The following MYCBP2 variants were observed in gnomAD, a reference collection of about 807,000 sequenced individuals.
The protein encoded by MYCBP2 is E3 ubiquitin-protein ligase MYCBP2.
A neutral mutation model predicts 525.3 loss-of-function variants in MYCBP2; 120 were observed. The ratio of observed to expected loss-of-function variants is 0.23; its 90% CI spans 0.20 to 0.27. The LOEUF (loss-of-function observed/expected upper bound fraction) is 0.27, where lower values mean the gene tolerates loss of function less well. MYCBP2 is among the 10% of genes least tolerant of loss of function. The pLI is 1.00. For missense variants in MYCBP2, 4,149 were observed against 5,657.1 expected, an observed-to-expected ratio of 0.73 and a Z score of 8.55; for synonymous variants, 1,894 against 1,955.8, an observed-to-expected ratio of 0.97 and a Z score of 0.83.
Position 77,185,010 on chromosome 13 carries a change from A to G in MYCBP2, c.4719+93T>C, listed in dbSNP as rs1595223385. The G allele has an allele frequency of 1.1e-5, 13 of 1,152,598 alleles. No individual in the cohort carries two copies. In the South Asian group the frequency reaches 1.5e-4, roughly 13 times the overall value. The allele number at this position is 1,152,598 out of a possible 1,614,324, so 71.4% of individuals were successfully genotyped here. A position where few individuals can be genotyped will look rare whatever the true frequency, so the allele number is the denominator to read the frequency against. On this transcript the variant is annotated intron_variant, in intron 32 of 82. Coordinates refer to ENST00000544440, the MANE Select transcript of MYCBP2 (RefSeq NM_015057.5). ...GATTTCCTAATTTATCTTTTATACAAGTTAAGAAGATATGGCAACTGCAAT... is the reference window on the plus strand; with the variant it reads ...GATTTCCTAATTTATCTTTTATACAGGTTAAGAAGATATGGCAACTGCAAT...
At chr13:77,093,409 A>G (rs544212573) in intron 58 of MYCBP2, 77 bp from the exon 59 acceptor site, 2 of 1,262,308 alleles carry the variant, frequency 1.6e-6, no homozygotes, top group Admixed American at 2.1e-5. Flanking sequence ...CTTTCATAAC[A>G]GGAAAAGCAG....
Position 77,225,599 on chromosome 13 carries a change from T to C in MYCBP2, c.2738-45A>G, listed in dbSNP as rs369948518. The C allele has an allele frequency of 1.9e-6, 3 of 1,600,676 alleles. No individual in the cohort carries two copies. The African/African-American group carries it at 4.0e-5, about 22-fold the overall frequency. On this transcript the variant is annotated intron_variant, in intron 18 of 82. Transcript: ENST00000544440. ...TGAATTATGATTAAGCCATTATTCATCTTCAAAATAAAAATTTAAATCAGT... is the reference window on the plus strand; with the variant it reads ...TGAATTATGATTAAGCCATTATTCACCTTCAAAATAAAAATTTAAATCAGT...
chr13:77,167,021 A>C (rs1354157879), intron 40 of MYCBP2, among the ~76,000 whole-genome samples: 3 of 106,940 alleles, frequency 2.8e-5, no homozygotes, highest in Non-Finnish European at 5.7e-5. Flanking sequence ...ACACACACAC[A>C]CACACCAAAT....
chr13:77,121,639 G>T, intron 54 of MYCBP2, 144 bp from the exon 55 acceptor site: 1 of 734,262 alleles, frequency 1.4e-6, no homozygotes, highest in Non-Finnish European at 1.9e-6. Context: ...TTAAATACCA[G>T]TCAGGTCATC....
chr13:77,238,047 T>G (rs2068207259), intron 17 of MYCBP2, among the ~76,000 whole-genome samples: 1 of 151,826 alleles, frequency 6.6e-6, no homozygotes, highest in Non-Finnish European at 1.5e-5. Context: ...ATTGAGGCTA[T>G]CCTGGCTAAC....
chr13:77,182,008 T>C, intron 32 of MYCBP2, 86 bp from the exon 33 acceptor site: 1 of 1,020,322 alleles, frequency 9.8e-7, no homozygotes, highest in Admixed American at 2.7e-5. Context: ...AGGTAAACCA[T>C]CTTTTAAATT....
At chr13:77,190,374 C>T (rs1346220047) in intron 28 of MYCBP2, 39 bp from the exon 29 acceptor site, 2 of 1,189,758 alleles carry the variant, frequency 1.7e-6, no homozygotes, top group Non-Finnish European at 1.2e-6. Context: ...ACAACATGAT[C>T]ATTACAGGAA....
At chr13:77,126,239 A>T in intron 53 of MYCBP2, 79 bp downstream of exon 53, 2 of 1,232,472 alleles carry the variant, frequency 1.6e-6, no homozygotes, top group South Asian at 3.1e-5. Context: ...TAGAAATGGC[A>T]ACCTTTAGAA....
At chr13:77,215,147 A>G (rs192866534) in intron 21 of MYCBP2, among the ~76,000 whole-genome samples, 4 of 152,338 alleles carry the variant, frequency 2.6e-5, no homozygotes, top group African/African-American at 9.6e-5. Context: ...CTTAATTTTT[A>G]GCAACATGTA....
At chr13:77,138,595 A>G (rs977570523) in intron 52 of MYCBP2, among the ~76,000 whole-genome samples, 2 of 152,222 alleles carry the variant, frequency 1.3e-5, no homozygotes, top group Admixed American at 1.3e-4. Flanking sequence ...TTATTATTAT[A>G]CTTCATGAAG....
chr13:77,091,674 T>C (rs558784399), intron 59 of MYCBP2, among the ~76,000 whole-genome samples: 66 of 152,182 alleles, frequency 4.3e-4, no homozygotes, highest in African/African-American at 1.5e-3. Flanking sequence ...GAGAGGCAAA[T>C]ATCACCCTCA....
At chr13:77,260,739 A>G (rs898658062) in intron 12 of MYCBP2, 147 bp from the exon 13 acceptor site, 6 of 658,178 alleles carry the variant, frequency 9.1e-6, no homozygotes, top group African/African-American at 1.9e-5. Flanking sequence ...GCTTCCCAAC[A>G]TGTCATTTAA....
In MYCBP2 at chr13:77,165,311, A is replaced by T. The variant is rs1950218690; in HGVS notation, c.6421T>A (p.Phe2141Ile). ...DKASFYGFKC[F>I]AIGYEFSPGP... is the part of the protein sequence containing the mutation. Reference sequence around the variant, plus strand: ...GGGCTAAATTCATATCCAATTGCAAAACACTTAAAACCATAGAAAGAAGCT... The same window carrying T: ...GGGCTAAATTCATATCCAATTGCAATACACTTAAAACCATAGAAAGAAGCT... Residue 2141 changes from phenylalanine (F) to isoleucine (I), a missense_variant, in exon 42 of 83, where the codon TTT becomes ATT. Transcript: ENST00000544440. The T allele has an allele frequency of 6.2e-7, 1 of 1,612,278 alleles. No homozygotes were observed. The highest frequency in any genetic ancestry group is 8.5e-7 in the Non-Finnish European group (1 of 1,179,376).
chr13:77,144,472 G>A lies in MYCBP2; in HGVS notation c.7276C>T (p.His2426Tyr), dbSNP rs771323209. 1.1e-5 allele frequency: 18 copies of A among 1,613,172 alleles called. No homozygotes were observed. Among genetic ancestry groups the A allele is most frequent in the Non-Finnish European group, 1.4e-5 (16 of 1,179,182 alleles). ...TPGAIGLYTLHVTIDGIEIDA... is the reference protein window; with the variant it reads ...TPGAIGLYTLYVTIDGIEIDA... ...ATTTCAATGCCATCAATGGTAACAT[G>A]AAGAGTGTAGAGTCCAATAGCCCCT... Residue 2426 changes from histidine to tyrosine, a missense_variant, in exon 49 of 83, where the codon CAT becomes TAT. Around this residue, in one of 21 missense-constraint regions of MYCBP2, gnomAD observed 692 missense variants for 852.7 expected, o/e 0.81. Coordinates refer to ENST00000544440, the MANE Select transcript of MYCBP2 (RefSeq NM_015057.5).
chr13:77,197,815 T>C (rs1485175692), intron 26 of MYCBP2, among the ~76,000 whole-genome samples: 4 of 152,204 alleles, frequency 2.6e-5, no homozygotes, highest in Non-Finnish European at 5.9e-5. Context: ...CTGACTACTG[T>C]TGAAAGGCCT....
chr13:77,046,263 CTTACT>C (rs2035543546), intron 82 of MYCBP2, among the ~76,000 whole-genome samples: 1 of 152,152 alleles, frequency 6.6e-6, no homozygotes, highest in Non-Finnish European at 1.5e-5. Flanking sequence ...AACCAGGAGG[CTTACT>C]TTGTCAGAAA....
At chr13:77,061,527 C>T (rs573724745) in intron 75 of MYCBP2, 135 bp downstream of exon 75, 6 of 1,052,414 alleles carry the variant, frequency 5.7e-6, no homozygotes, top group East Asian at 5.4e-5. Flanking sequence ...AGATGGTAAG[C>T]GAGACAGCTG....
At chr13:77,158,173 TC>T in intron 44 of MYCBP2, 64 bp from the exon 45 acceptor site, 1 of 1,106,666 alleles carries the variant, frequency 9.0e-7, no homozygotes. Flanking sequence ...ATAAAATTTT[TC>T]AACATGCAGA....
rs761186791 is a variant in MYCBP2 at position 77,206,777 on chromosome 13, A to C, written c.3465T>G (p.Ala1155=). 11 of 1,611,230 alleles carry C rather than the reference A, an allele frequency of 6.8e-6. No individual in the cohort carries two copies. In the African/African-American group the frequency reaches 1.3e-4, roughly 20 times the overall value. The change falls in exon 24 of 83, where the codon GCT becomes GCG. Residue 1155 remains alanine (A), a synonymous_variant. Coordinates refer to ENST00000544440, the MANE Select transcript of MYCBP2 (RefSeq NM_015057.5). ...RELWCYNAVV[A]DARLPSAADM... is the part of the protein sequence containing the mutation. ...CTGCTGCAGAGGGAAGCCTGGCATC[A>C]GCAACCACCGCATTGTAACACCACA...
Sources: allele counts gnomAD v4.1 joint callset (sites outside exome capture counted in the v4.1 genomes callset), GRCh38; gene constraint gnomAD v4.1.1; regional missense constraint gnomAD v4.1.1; transcripts MANE v1.5; gene names NCBI Gene and HGNC (gene_info 2026-07-23, HGNC 2026-07-21).